The following RNF2 variants were observed in gnomAD, a reference collection of about 807,000 sequenced individuals.
RNF2 encodes E3 ubiquitin-protein ligase RING2.
RNF2 carries 6 observed loss-of-function variants against 37.2 expected under a neutral mutation model. The ratio of observed to expected loss-of-function variants is 0.16; its 90% CI spans 0.09 to 0.32. The LOEUF (loss-of-function observed/expected upper bound fraction) is 0.32, where lower values mean the gene tolerates loss of function less well. RNF2 is among the 10% of genes least tolerant of loss of function. The pLI, the probability that RNF2 is intolerant of heterozygous loss-of-function variation, is 1.00. For missense variants in RNF2, 251 were observed against 404.0 expected (o/e 0.62, Z 3.25); for synonymous variants, 133 against 132.7 (o/e 1.00, Z -0.02).
intron 4 of RNF2, among the ~76,000 whole-genome samples, chr1:185,093,942 C>G (rs1488443076): frequency 6.6e-6 from 1 of 152,080 alleles, no homozygotes; most frequent in African/African-American, 2.4e-5. Context: ...ATGCTGATGA[C>G]TCCCAAATTT....
In RNF2 at chr1:185,094,131, G is replaced by A. The variant is rs1022436007; in HGVS notation, c.464+855G>A. 2.7e-5 allele frequency among the ~76,000 whole-genome samples: 4 copies of A among 146,496 alleles called. No homozygotes were observed. In the East Asian group the frequency reaches 5.9e-4, roughly 22 times the overall value. The stretch of plus-strand genomic sequence containing the variant: ...GCTTAAGCCAAAAACTTTGGAGTCA[G>A]TTTTTTTTTTTTATTTTTTTTATTT... On this transcript the variant is annotated intron_variant, in intron 4 of 6. Transcript: ENST00000367510.
chr1:185,059,030 C>T (rs1204588877), intron 1 of RNF2, among the ~76,000 whole-genome samples: 1 of 152,172 alleles, frequency 6.6e-6, no homozygotes, highest in African/African-American at 2.4e-5. Flanking sequence ...TTCTAGCTTC[C>T]TCTTCCTGGT....
chr1:185,065,116 G>A (rs1571301779), intron 1 of RNF2, among the ~76,000 whole-genome samples: 1 of 152,024 alleles, frequency 6.6e-6, no homozygotes, highest in African/African-American at 2.4e-5. Flanking sequence ...CTGTAAAAAC[G>A]CACCAATCAG....
intron 1 of RNF2, among the ~76,000 whole-genome samples, chr1:185,082,364 T>TTTTTTTTTTTG (rs1173750596): frequency 8.7e-6 from 1 of 114,888 alleles, no homozygotes; most frequent in Non-Finnish European, 1.9e-5. Flanking sequence ...TTTTTTTTTT[T>TTTTTTTTTTTG]TTTGAAGACA....
At chr1:185,075,447 G>C (rs776574130) in intron 1 of RNF2, among the ~76,000 whole-genome samples, 1 of 152,094 alleles carries the variant, frequency 6.6e-6, no homozygotes, top group South Asian at 2.1e-4. Context: ...CCAATGGTTC[G>C]ACAATTCCTG....
At chr1:185,090,769 G>T (rs1651743602) in intron 2 of RNF2, among the ~76,000 whole-genome samples, 1 of 152,182 alleles carries the variant, frequency 6.6e-6, no homozygotes, top group Admixed American at 6.5e-5. Context: ...TGAGTAATCT[G>T]TGTTCTCACT....
chr1:185,072,905 A>G (rs568650058), intron 1 of RNF2, among the ~76,000 whole-genome samples: 23 of 152,270 alleles, frequency 1.5e-4, no homozygotes, highest in African/African-American at 5.1e-4. Context: ...GTGCCACTGC[A>G]CTCCAGTCTG....
At chr1:185,056,027 A>G (rs558268936) in intron 1 of RNF2, among the ~76,000 whole-genome samples, 1 of 152,218 alleles carries the variant, frequency 6.6e-6, no homozygotes, top group Non-Finnish European at 1.5e-5. Flanking sequence ...CTAGAATAGT[A>G]AATCTAAATT....
intron 1 of RNF2, among the ~76,000 whole-genome samples, chr1:185,086,941 G>A (rs1023515957): frequency 6.6e-6 from 1 of 152,154 alleles, no homozygotes; most frequent in Non-Finnish European, 1.5e-5. Context: ...ACATTCAGCA[G>A]TAATTAAGCA....
chr1:185,083,850 A>AC (rs1023803642), intron 1 of RNF2, among the ~76,000 whole-genome samples: 3 of 144,196 alleles, frequency 2.1e-5, no homozygotes, highest in African/African-American at 7.8e-5. Flanking sequence ...CAAGTGATCT[A>AC]CCTGTCTCGG....
intron 1 of RNF2, among the ~76,000 whole-genome samples, chr1:185,064,444 T>TG (rs1302303049): frequency 1.3e-5 from 2 of 152,230 alleles, no homozygotes; most frequent in African/African-American, 4.8e-5. Flanking sequence ...GTGGTTCGAC[T>TG]TACGATTTTT....
At chr1:185,073,196 T>A (rs1651041135) in intron 1 of RNF2, among the ~76,000 whole-genome samples, 1 of 152,158 alleles carries the variant, frequency 6.6e-6, no homozygotes, top group Non-Finnish European at 1.5e-5. Flanking sequence ...TTTTATGGGT[T>A]TTTTGCTACT....
At chr1:185,081,718 C>G (rs1241655160) in intron 1 of RNF2, among the ~76,000 whole-genome samples, 1 of 152,014 alleles carries the variant, frequency 6.6e-6, no homozygotes. Context: ...CCTCTGTCAA[C>G]TTTTGAAGCG....
intron 1 of RNF2, among the ~76,000 whole-genome samples, chr1:185,055,177 C>A (rs1056139323): frequency 6.6e-5 from 10 of 152,104 alleles, no homozygotes; most frequent in African/African-American, 2.2e-4. Flanking sequence ...TCCTTAGGAC[C>A]AGAAGTATTT....
chr1:185,075,500 T>C (rs565706512), intron 1 of RNF2, among the ~76,000 whole-genome samples: 1 of 152,244 alleles, frequency 6.6e-6, no homozygotes, highest in Non-Finnish European at 1.5e-5. Context: ...TGCATTGCTG[T>C]GTAACTCCCT....
chr1:185,101,818 T>A lies in RNF2; in HGVS notation c.*1517T>A, dbSNP rs1266945124. 2 of 148,368 alleles carry A rather than the reference T, an allele frequency of 1.3e-5. No individual in the cohort carries two copies. The highest frequency in any genetic ancestry group is 1.4e-4 in the Admixed American group (2 of 14,354). 9.2% of individuals were successfully genotyped at this position (148,368 alleles called of 1,614,324 possible). On this transcript the variant is annotated 3_prime_UTR_variant, in exon 7 of 7. Transcript: ENST00000367510. ...ACCATTTTATGGAAAATATTTAAAA[T>A]CTGTTTTTACAGGGTTTTTTTTTTT...
At chr1:185,092,361 G>A (rs943712861) in intron 3 of RNF2, among the ~76,000 whole-genome samples, 1 of 151,910 alleles carries the variant, frequency 6.6e-6, no homozygotes, top group Admixed American at 6.6e-5. Flanking sequence ...ATTTTTAGTA[G>A]AGGGGGGCTT....
At chr1:185,091,107 G>T (rs943036082) in intron 2 of RNF2, among the ~76,000 whole-genome samples, 1 of 152,112 alleles carries the variant, frequency 6.6e-6, no homozygotes, top group Non-Finnish European at 1.5e-5. Flanking sequence ...GTTTTAATGG[G>T]CAGCATGAAA....
At position 185,098,231 on chromosome 1, in the gene RNF2, T is replaced by C; in HGVS notation, c.624T>C (p.Asp208=). 1.9e-6 allele frequency: 3 copies of C among 1,614,190 alleles called. No individual in the cohort carries two copies. Among genetic ancestry groups the C allele is most frequent in the Non-Finnish European group, 1.7e-6 (2 of 1,180,020 alleles). The change falls in exon 5 of 7, where the codon GAT becomes GAC. Residue 208 remains aspartate, a synonymous_variant. Transcript: ENST00000367510. ...CTGATGATTCTGGGCTAGAGCTTGA[T>C]AATAACAATGCAGCAATGGCAATTG... ...KTSDDSGLEL[D]NNNAAMAIDP...
Sources: gnomAD v4.1 joint callset for allele counts (sites outside exome capture counted in the v4.1 genomes callset) on GRCh38, gnomAD v4.1.1 for gene constraint, MANE v1.5 for transcripts, NCBI Gene and HGNC (gene_info 2026-07-23, HGNC 2026-07-21) for gene names.